Variants in ZNF440 observed in about 807,000 individuals in gnomAD.
ZNF440 encodes zinc finger protein 440.
A neutral mutation model predicts 49.7 loss-of-function variants in ZNF440; 47 were observed. The observed-to-expected ratio is 0.95, with a 90% CI of 0.75 to 1.21. The LOEUF (loss-of-function observed/expected upper bound fraction) is 1.21. ZNF440 is among the 50% of genes most tolerant of loss of function. The pLI is 0.00. For missense variants in ZNF440, 703 were observed against 715.0 expected, an observed-to-expected ratio of 0.98 and a Z score of 0.19; for synonymous variants, 255 against 237.7, an observed-to-expected ratio of 1.07 and a Z score of -0.67.
At chr19:11,820,896 G>A (rs1399260164) in intron 1 of ZNF440, among the ~76,000 whole-genome samples, 9 of 152,128 alleles carry the variant, frequency 5.9e-5, no homozygotes, top group African/African-American at 1.9e-4. Flanking sequence ...CCACTTCAAC[G>A]GGGTGGAGCA....
chr19:11,833,795 T>C lies in ZNF440; in HGVS notation c.*831T>C. Reference sequence around the variant, plus strand: ...GATCAGCCTCGCACCTTCAAATGCATGGAAGGACTCACACTGGAGAAAAAC... The same window carrying C: ...GATCAGCCTCGCACCTTCAAATGCACGGAAGGACTCACACTGGAGAAAAAC... On this transcript the variant is annotated 3_prime_UTR_variant, in exon 4 of 4. Transcript: ENST00000304060. The C allele has an allele frequency of 1.2e-6, 1 of 830,742 alleles. No homozygotes were observed. The highest frequency in any genetic ancestry group is 2.0e-5 in the South Asian group (1 of 51,276). 51.5% of individuals were successfully genotyped at this position (830,742 alleles called of 1,614,324 possible).
chr19:11,833,901 CTG>C lies in ZNF440; in HGVS notation c.*939_*940del. On this transcript the variant is annotated 3_prime_UTR_variant, in exon 4 of 4. Coordinates refer to ENST00000304060, the MANE Select transcript of ZNF440 (RefSeq NM_152357.3). ...ACAGATAATGAATGTAAACAATTAA[CTG>C]TTTATAATAACTGTATACTAACAAA... 1 of 361,998 alleles carries C rather than the reference CTG, an allele frequency of 2.8e-6. No individual in the cohort carries two copies. The highest frequency in any genetic ancestry group is 5.2e-6 in the Non-Finnish European group (1 of 194,002). 22.4% of individuals were successfully genotyped at this position (361,998 alleles called of 1,614,324 possible).
intron 1 of ZNF440, among the ~76,000 whole-genome samples, chr19:11,820,895 CG>C: frequency 6.6e-6 from 1 of 152,200 alleles, no homozygotes; most frequent in African/African-American, 2.4e-5. Flanking sequence ...GCCACTTCAA[CG>C]GGGTGGAGCA....
At position 11,831,872 on chromosome 19, in the gene ZNF440, G is replaced by A. The variant is rs771399813; in HGVS notation, c.696G>A (p.Gln232=). The change falls in exon 4 of 4, where the codon CAG becomes CAA. Residue 232 remains glutamine, a synonymous_variant. Coordinates refer to ENST00000304060, the MANE Select transcript of ZNF440 (RefSeq NM_152357.3). ...GAGAGAAACCATGTGAATGTAAACA[G>A]TGTGGTAAATCCTTTAGTTATTCTG... ...HTGEKPCECK[Q]CGKSFSYSAT... 12 of 1,613,784 alleles carry A rather than the reference G, an allele frequency of 7.4e-6. No homozygotes were observed. Among genetic ancestry groups the A allele is most frequent in the South Asian group, 5.5e-5 (5 of 91,040 alleles).
intron 1 of ZNF440, chr19:11,827,494 A>G (rs1409824808): frequency 2.6e-5 from 4 of 152,090 alleles, no homozygotes; most frequent in Non-Finnish European, 5.9e-5. Flanking sequence ...CTGTCTTTTT[A>G]TTCTGTTAAC....
intron 1 of ZNF440, among the ~76,000 whole-genome samples, chr19:11,820,137 C>A (rs1975780940): frequency 6.6e-6 from 1 of 152,200 alleles, no homozygotes; most frequent in Non-Finnish European, 1.5e-5. Flanking sequence ...GACACAGTCA[C>A]CTATCAGGAT....
intron 1 of ZNF440, among the ~76,000 whole-genome samples, chr19:11,815,434 A>G (rs1000983691): frequency 6.6e-6 from 1 of 152,182 alleles, no homozygotes; most frequent in Non-Finnish European, 1.5e-5. Context: ...GGTTGTTTAC[A>G]GAACAGGTAG....
chr19:11,832,246 G>T lies in ZNF440; in HGVS notation c.1070G>T (p.Arg357Ile). Residue 357 changes from arginine to isoleucine, a missense_variant, in exon 4 of 4, where the codon AGA becomes ATA. By Grantham distance (97) the Arg-to-Ile change is moderately conservative. Transcript: ENST00000304060. ...TTTTGTTCTGTGAATTCATTTCAAA[G>T]ACATGAAAAAATTCACAGTGGAGAG... ...KDFCSVNSFQ[R>I]HEKIHSGEKP... 6.2e-7 allele frequency: 1 copy of T among 1,613,912 alleles called. No individual in the cohort carries two copies. Among genetic ancestry groups the T allele is most frequent in the South Asian group, 1.1e-5 (1 of 91,068 alleles).
chr19:11,822,150 G>T (rs982013916), intron 1 of ZNF440, among the ~76,000 whole-genome samples: 2 of 152,170 alleles, frequency 1.3e-5, no homozygotes, highest in African/African-American at 4.8e-5. Context: ...ATCCATGTGG[G>T]GTGTAAGGGT....
chr19:11,818,054 A>C (rs1319055451), intron 1 of ZNF440, among the ~76,000 whole-genome samples: 1 of 152,134 alleles, frequency 6.6e-6, no homozygotes. Flanking sequence ...TACAAAAAAA[A>C]ATTAACTGGG....
In ZNF440 at chr19:11,833,095, C is replaced by T; in HGVS notation, c.*131C>T. ...ATGAGTGTAAGCAATGTGGGAAAGCCTTTGTTTCCTTCACTTCCTTTCGAT... is the reference window on the plus strand; with the variant it reads ...ATGAGTGTAAGCAATGTGGGAAAGCTTTTGTTTCCTTCACTTCCTTTCGAT... On this transcript the variant is annotated 3_prime_UTR_variant, in exon 4 of 4. Coordinates refer to ENST00000304060, the MANE Select transcript of ZNF440 (RefSeq NM_152357.3). 6.7e-7 allele frequency: 1 copy of T among 1,488,108 alleles called. No individual in the cohort carries two copies. The highest frequency in any genetic ancestry group is 9.3e-7 in the Non-Finnish European group (1 of 1,073,646). 92.2% of individuals were successfully genotyped at this position (1,488,108 alleles called of 1,614,324 possible).
Position 11,830,347 on chromosome 19 carries a change from T to G in ZNF440, c.68T>G (p.Ile23Ser). ...CAGGAGGAGTGGGCTTTGCTGGATA[T>G]TTCCCAGAGGAAACTCTACAGGGAA... Reference protein sequence around the residue: ...FTQEEWALLDISQRKLYREVM... With the variant: ...FTQEEWALLDSSQRKLYREVM... Residue 23 changes from isoleucine to serine, a missense_variant, in exon 2 of 4, where the codon ATT becomes AGT. Ile to Ser is a moderately radical substitution (Grantham distance 142). Transcript: ENST00000304060. 1 of 1,614,150 alleles carries G rather than the reference T, an allele frequency of 6.2e-7. No homozygotes were observed. The highest frequency in any genetic ancestry group is 8.5e-7 in the Non-Finnish European group (1 of 1,180,034).
chr19:11,822,129 TG>T (rs1350037493), intron 1 of ZNF440, among the ~76,000 whole-genome samples: 1 of 152,132 alleles, frequency 6.6e-6, no homozygotes, highest in Non-Finnish European at 1.5e-5. Context: ...GATTAAGAGG[TG>T]GTCTGTACCA....
In ZNF440 at chr19:11,832,533, T is replaced by C. The variant is rs1414261429; in HGVS notation, c.1357T>C (p.Ser453Pro). Residue 453 changes from serine to proline, a missense_variant, in exon 4 of 4, where the codon TCT (serine) becomes CCT (proline). Coordinates refer to ENST00000304060, the MANE Select transcript of ZNF440 (RefSeq NM_152357.3). ...ERTQTHIRIH[S>P]GERRYKCKIC... ...GACACAAACACACATAAGAATACACTCTGGAGAAAGACGTTATAAATGTAA... is the reference window on the plus strand; with the variant it reads ...GACACAAACACACATAAGAATACACCCTGGAGAAAGACGTTATAAATGTAA... 8 of 1,612,950 alleles carry C rather than the reference T, an allele frequency of 5.0e-6. No individual in the cohort carries two copies. The highest frequency in any genetic ancestry group is 1.1e-5 in the South Asian group (1 of 91,016).
rs116700762 is a variant in ZNF440 at position 11,828,199 on chromosome 19, G to A, written c.4-2084G>A. On this transcript the variant is annotated intron_variant, in intron 1 of 3. Coordinates refer to ENST00000304060, the MANE Select transcript of ZNF440 (RefSeq NM_152357.3). ...ATTAAGGACATTCTTGTGGTGTTTT[G>A]TTTGTTTGTTTAAAGATAGAGTCTC... Among the ~76,000 whole-genome samples the A allele has an allele frequency of 5.5e-3, 838 of 152,180 alleles. 10 individuals are homozygous for A. The highest frequency in any genetic ancestry group is 0.019 in the African/African-American group (807 of 41,524).
intron 1 of ZNF440, among the ~76,000 whole-genome samples, chr19:11,815,386 G>T (rs1338880869): frequency 1.3e-5 from 2 of 152,050 alleles, no homozygotes; most frequent in African/African-American, 4.8e-5. Context: ...AGGCGGGAAG[G>T]CGTATCTGGA....
chr19:11,817,688 GGAAAGAAA>G (rs34098810), intron 1 of ZNF440: 1 of 150,418 alleles, frequency 6.6e-6, no homozygotes, highest in African/African-American at 2.4e-5. Context: ...AAAAAAAAAA[GGAAAGAAA>G]GAAAGAAAGC....
At position 11,814,345 on chromosome 19, in the gene ZNF440, A is replaced by C; in HGVS notation, c.-103A>C. The stretch of plus-strand genomic sequence containing the variant: ...CGGCTTTCTTGCTTCGAGAGGGACT[A>C]GGTGCCTCCACCAGAGCTTCTGTCG... On this transcript the variant is annotated 5_prime_UTR_variant, in exon 1 of 4. Coordinates refer to ENST00000304060, the MANE Select transcript of ZNF440 (RefSeq NM_152357.3). The C allele has an allele frequency of 7.5e-7, 1 of 1,328,900 alleles. No homozygotes were observed. The highest frequency in any genetic ancestry group is 1.0e-6 in the Non-Finnish European group (1 of 994,928). 82.3% of individuals were successfully genotyped at this position (1,328,900 alleles called of 1,614,324 possible).
intron 1 of ZNF440, among the ~76,000 whole-genome samples, chr19:11,824,516 C>T (rs1568240781): frequency 1.3e-5 from 2 of 151,902 alleles, no homozygotes; most frequent in South Asian, 2.1e-4. Flanking sequence ...AAATGATAAC[C>T]GATATGTGAT....
Sources: allele counts gnomAD v4.1 joint callset (sites outside exome capture counted in the v4.1 genomes callset), GRCh38; gene constraint gnomAD v4.1.1; transcripts MANE v1.5; gene names NCBI Gene and HGNC (gene_info 2026-07-23, HGNC 2026-07-21).